BICD1: variants seen among roughly 807,000 people sequenced by gnomAD.
BICD1 encodes protein bicaudal D homolog 1.
A neutral mutation model predicts 92.5 loss-of-function variants in BICD1; 35 were observed. The ratio of observed to expected loss-of-function variants is 0.38; its 90% CI spans 0.29 to 0.50. The LOEUF (loss-of-function observed/expected upper bound fraction) is 0.50, where lower values mean the gene tolerates loss of function less well. Among genes scored for constraint, BICD1 ranks in the 20% least tolerant of loss-of-function variants. The pLI is 0.93. For synonymous variants in BICD1, 429 were observed against 465.1 expected (o/e 0.92, Z 1.00); for missense variants, 950 against 1,189.8 (o/e 0.80, Z 2.97).
chr12:32,290,646 T>C (rs1160961816), intron 2 of BICD1, among the ~76,000 whole-genome samples: 1 of 152,212 alleles, frequency 6.6e-6, no homozygotes, highest in Non-Finnish European at 1.5e-5. Flanking sequence ...TAATTACCCT[T>C]GATATCTGAT....
At chr12:32,124,148 C>T (rs1168690933) in intron 1 of BICD1, among the ~76,000 whole-genome samples, 1 of 152,160 alleles carries the variant, frequency 6.6e-6, no homozygotes, top group Non-Finnish European at 1.5e-5. Context: ...CTACAGTTGT[C>T]ATTCAAGTTC....
intron 1 of BICD1, among the ~76,000 whole-genome samples, chr12:32,196,664 T>C (rs1944735825): frequency 6.6e-6 from 1 of 152,202 alleles, no homozygotes; most frequent in African/African-American, 2.4e-5. Flanking sequence ...GTGTACAAAC[T>C]TTTAGTTTTA....
At chr12:32,182,285 T>TTTC (rs1565570492) in intron 1 of BICD1, among the ~76,000 whole-genome samples, 9 of 130,470 alleles carry the variant, frequency 6.9e-5, no homozygotes, top group East Asian at 4.4e-4. Flanking sequence ...TTTCTTTTTT[T>TTTC]TTTTTTTTTT....
At chr12:32,348,723 A>AAAAAATATATAT (rs1938731695) in intron 8 of BICD1, among the ~76,000 whole-genome samples, 4 of 118,008 alleles carry the variant, frequency 3.4e-5, no homozygotes, top group Admixed American at 1.1e-4. Context: ...CTCACACAAA[A>AAAAAATATATAT]ATATATATAT....
chr12:32,138,438 G>T (rs1408411395), intron 1 of BICD1, among the ~76,000 whole-genome samples: 1 of 152,148 alleles, frequency 6.6e-6, no homozygotes, highest in East Asian at 1.9e-4. Context: ...ATATGTATGT[G>T]TATGTATTTA....
intron 1 of BICD1, among the ~76,000 whole-genome samples, chr12:32,161,762 G>C (rs967987242): frequency 1.2e-4 from 18 of 152,288 alleles, no homozygotes; most frequent in African/African-American, 4.1e-4. Context: ...CTTAAGTGCA[G>C]GGAAGTATAT....
chr12:32,273,498 A>G (rs1172945259), intron 2 of BICD1, among the ~76,000 whole-genome samples: 1 of 152,140 alleles, frequency 6.6e-6, no homozygotes. Context: ...TGCATGCATG[A>G]TATCTGTTTT....
chr12:32,349,877 G>A (rs1313887434), intron 8 of BICD1, among the ~76,000 whole-genome samples: 1 of 152,108 alleles, frequency 6.6e-6, no homozygotes, highest in Non-Finnish European at 1.5e-5. Context: ...TGTCAAAATG[G>A]GTGGGATTTG....
At chr12:32,335,580 CTTTTTT>C (rs11423390) in intron 6 of BICD1, among the ~76,000 whole-genome samples, 1 of 131,936 alleles carries the variant, frequency 7.6e-6, no homozygotes, top group Admixed American at 7.7e-5. Context: ...AAAAGACCTA[CTTTTTT>C]TTTTTTTTTT....
chr12:32,221,586 G>A (rs1945533510), intron 2 of BICD1, among the ~76,000 whole-genome samples: 1 of 151,668 alleles, frequency 6.6e-6, no homozygotes, highest in African/African-American at 2.4e-5. Context: ...GGAGTTTGAG[G>A]CAGAGAATTG....
chr12:32,327,868 G>T lies in BICD1; in HGVS notation c.1413G>T (p.Lys471Asn), dbSNP rs1250141557. The part of the protein sequence containing the change: ...MYDEQVTSLE[K>N]TTKESGEKMA... ...ATGAGCAGGTGACAAGCCTTGAGAA[G>T]ACCACCAAGGAGAGTGGTGAGAAGA... Residue 471 changes from lysine to asparagine, a missense_variant, in exon 5 of 10, where the codon AAG (lysine) becomes AAT (asparagine). By Grantham distance (94) the Lys-to-Asn change is moderately conservative. Around this residue, in one of 5 missense-constraint regions of BICD1, gnomAD observed 309 missense variants for 499.4 expected, o/e 0.62. Coordinates refer to ENST00000652176, the MANE Select transcript of BICD1 (RefSeq NM_001714.4). The T allele has an allele frequency of 6.2e-7, 1 of 1,614,132 alleles. No homozygotes were observed. Among genetic ancestry groups the T allele is most frequent in the South Asian group, 1.1e-5 (1 of 91,076 alleles).
chr12:32,309,747 C>T (rs996579537), intron 4 of BICD1, among the ~76,000 whole-genome samples: 5 of 152,144 alleles, frequency 3.3e-5, no homozygotes, highest in African/African-American at 1.2e-4. Flanking sequence ...ACAGTGTCAA[C>T]ATACTTGGAA....
chr12:32,310,621 G>A (rs73295822), intron 4 of BICD1, among the ~76,000 whole-genome samples: 15,459 of 152,140 alleles, frequency 0.1, 891 homozygotes, highest in African/African-American at 0.15. Context: ...ACCGTCTACC[G>A]AATGACTACG....
intron 1 of BICD1, among the ~76,000 whole-genome samples, chr12:32,163,108 C>T (rs944089742): frequency 6.6e-6 from 1 of 152,154 alleles, no homozygotes; most frequent in Non-Finnish European, 1.5e-5. Context: ...AATGATAACG[C>T]AGGGGTCTTG....
intron 2 of BICD1, among the ~76,000 whole-genome samples, chr12:32,279,128 CT>C (rs913163838): frequency 6.6e-6 from 1 of 152,142 alleles, no homozygotes; most frequent in Non-Finnish European, 1.5e-5. Context: ...ACCACATATT[CT>C]ATGATTCCAT....
intron 2 of BICD1, among the ~76,000 whole-genome samples, chr12:32,221,421 T>G (rs1021299207): frequency 6.6e-6 from 1 of 151,638 alleles, no homozygotes; most frequent in Admixed American, 6.6e-5. Context: ...TGGTGGCTCA[T>G]GCCTGTAATC....
At chr12:32,329,392 CAGCCAAGTAT>C (rs1937730390) in intron 5 of BICD1, among the ~76,000 whole-genome samples, 1 of 152,114 alleles carries the variant, frequency 6.6e-6, no homozygotes, top group African/African-American at 2.4e-5. Flanking sequence ...CCACCGCGCC[CAGCCAAGTAT>C]AGCAAGATTA....
intron 2 of BICD1, among the ~76,000 whole-genome samples, chr12:32,243,105 C>A (rs1565612900): frequency 6.9e-6 from 1 of 144,078 alleles, no homozygotes; most frequent in African/African-American, 2.5e-5. Flanking sequence ...TTAGGATTTT[C>A]TTTTTTTTTT....
intron 2 of BICD1, among the ~76,000 whole-genome samples, chr12:32,221,013 A>T (rs1945502465): frequency 6.8e-6 from 1 of 147,490 alleles, no homozygotes; most frequent in African/African-American, 2.5e-5. Flanking sequence ...CAAACACCGC[A>T]TATTCTCACT....
Sources: gnomAD v4.1 joint callset for allele counts (sites outside exome capture counted in the v4.1 genomes callset) on GRCh38, gnomAD v4.1.1 for gene constraint, gnomAD v4.1.1 regional missense constraint, MANE v1.5 for transcripts, NCBI Gene and HGNC (gene_info 2026-07-23, HGNC 2026-07-21) for gene names.